MYO1E: variants seen among roughly 807,000 people sequenced by gnomAD.
MYO1E encodes the protein myosin IE, also known as unconventional myosin-Ie.
MYO1E carries 68 observed loss-of-function variants against 151.1 expected under a neutral mutation model. The ratio of observed to expected loss-of-function variants is 0.45; its 90% confidence interval spans 0.37 to 0.55. The LOEUF (loss-of-function observed/expected upper bound fraction) is 0.55. Ranked by LOEUF, MYO1E falls within the 20% of genes least tolerant of loss-of-function variation. The pLI, the probability that MYO1E is intolerant of heterozygous loss-of-function variation, is 0.00. For synonymous variants in MYO1E, 601 were observed against 501.7 expected (o/e 1.20, Z -2.64); for missense variants, 1,363 against 1,389.3 (o/e 0.98, Z 0.30).
At chr15:59,368,965 A>T (rs1239471284) in intron 1 of MYO1E, among the ~76,000 whole-genome samples, 2 of 152,198 alleles carry the variant, frequency 1.3e-5, no homozygotes, top group African/African-American at 4.8e-5. Flanking sequence ...CCCGGACTCT[A>T]GGTATTTCCC....
chr15:59,231,638 C>T, intron 6 of MYO1E, 64 bp downstream of exon 6: 4 of 1,539,532 alleles, frequency 2.6e-6, no homozygotes, highest in Non-Finnish European at 3.6e-6. Flanking sequence ...GGATACTAGA[C>T]TTCAGTCAGA....
At chr15:59,220,606 G>T (rs2079948505) in intron 9 of MYO1E, among the ~76,000 whole-genome samples, 1 of 151,778 alleles carries the variant, frequency 6.6e-6, no homozygotes, top group Non-Finnish European at 1.5e-5. Context: ...CCATTATAAA[G>T]GCATGGACTA....
intron 4 of MYO1E, among the ~76,000 whole-genome samples, chr15:59,252,109 A>G (rs2140367985): frequency 6.6e-6 from 1 of 152,312 alleles, no homozygotes; most frequent in African/African-American, 2.4e-5. Context: ...AAAGAAATAA[A>G]AACTCTGAAA....
rs780970721 is a variant in MYO1E, at chr15:59,188,138, G to T, written c.1884C>A (p.Ile628=). 1.9e-6 allele frequency: 3 copies of T among 1,613,818 alleles called. No homozygotes were observed. The African/African-American group carries it at 4.0e-5, about 22-fold the overall frequency. Residue 628 remains isoleucine, a synonymous_variant, in exon 18 of 28, where the codon ATC becomes ATA. Transcript: ENST00000288235. ...VRRAGYAYRR[I]FQKFLQRYAI... ...ATTACCTCTGTAGGAATTTTTGGAA[G>T]ATGCGCCGATAGGCATAGCCAGCTC...
intron 1 of MYO1E, among the ~76,000 whole-genome samples, chr15:59,344,666 T>TA (rs1338694022): frequency 6.6e-6 from 1 of 152,182 alleles, no homozygotes; most frequent in Non-Finnish European, 1.5e-5. Flanking sequence ...GTTAGAAATC[T>TA]ACTGAGTACT....
In MYO1E at chr15:59,209,500, A is replaced by G. The variant is rs2079863423; in HGVS notation, c.1363-652T>C. Among the ~76,000 whole-genome samples the G allele has an allele frequency of 2.0e-5, 3 of 150,938 alleles. No homozygotes were observed. In the South Asian group the frequency reaches 6.3e-4, roughly 32 times the overall value. ...AGACCAGCCTGGCCAACATGGTGAAACCCCCTCTCTACTAAAAATACAAAA... is the reference window on the plus strand; with the variant it reads ...AGACCAGCCTGGCCAACATGGTGAAGCCCCCTCTCTACTAAAAATACAAAA... On this transcript the variant is annotated intron_variant, in intron 13 of 27. Coordinates refer to ENST00000288235, the MANE Select transcript of MYO1E (RefSeq NM_004998.4).
intron 4 of MYO1E, among the ~76,000 whole-genome samples, chr15:59,239,944 A>G (rs1444004428): frequency 1.3e-5 from 2 of 152,214 alleles, no homozygotes; most frequent in African/African-American, 4.8e-5. Context: ...TCCGGCACTA[A>G]AACCCAAGTT....
intron 22 of MYO1E, among the ~76,000 whole-genome samples, chr15:59,169,355 G>T (rs1426816684): frequency 2.0e-5 from 3 of 152,148 alleles, no homozygotes; most frequent in Non-Finnish European, 4.4e-5. Flanking sequence ...GAACACACAC[G>T]CATGTTCAGT....
At chr15:59,199,909 C>T (rs989408672) in intron 16 of MYO1E, among the ~76,000 whole-genome samples, 1 of 152,152 alleles carries the variant, frequency 6.6e-6, no homozygotes, top group Admixed American at 6.5e-5. Flanking sequence ...TTTATTCCTA[C>T]GTGGAGGCAG....
intron 16 of MYO1E, 90 bp downstream of exon 16, chr15:59,202,236 G>A: frequency 9.0e-7 from 1 of 1,114,068 alleles, no homozygotes; most frequent in South Asian, 1.2e-5. Context: ...ACGTCTCACT[G>A]ACCTCATCCT....
chr15:59,256,786 G>T (rs763152695), intron 3 of MYO1E, among the ~76,000 whole-genome samples: 9 of 152,156 alleles, frequency 5.9e-5, no homozygotes, highest in Non-Finnish European at 1.0e-4. Context: ...CAAACACCTA[G>T]ATCTGACTTC....
intron 4 of MYO1E, among the ~76,000 whole-genome samples, chr15:59,238,782 G>T (rs750730713): frequency 3.9e-5 from 6 of 151,944 alleles, no homozygotes; most frequent in Non-Finnish European, 8.8e-5. Flanking sequence ...ATGTTAGCCA[G>T]ACTGGTCCCA....
intron 1 of MYO1E, among the ~76,000 whole-genome samples, chr15:59,310,171 G>C (rs12904735): frequency 0.19 from 29,441 of 152,078 alleles, 4,343 homozygotes; most frequent in East Asian, 0.5. Context: ...GCTTCCTAGC[G>C]CTCACGAAGA....
In MYO1E at chr15:59,369,060, T is replaced by C. The variant is rs566870617; in HGVS notation, c.3+3438A>G. ...TTTTGTTGTATTGTGTTGTTTTGAC[T>C]AGGAGACTACTAGCAATCTGATAAA... On this transcript the variant is annotated intron_variant, in intron 1 of 27. Transcript: ENST00000288235. 4.7e-4 allele frequency among the ~76,000 whole-genome samples: 71 copies of C among 152,328 alleles called. 1 individual carries two copies. The highest frequency in any genetic ancestry group is 6.8e-3 in the Middle Eastern group (2 of 294).
chr15:59,196,644 T>C (rs748683569), intron 16 of MYO1E, among the ~76,000 whole-genome samples: 1 of 152,216 alleles, frequency 6.6e-6, no homozygotes, highest in Non-Finnish European at 1.5e-5. Context: ...GAAAAACTAT[T>C]GAGTATATTC....
At chr15:59,243,556 G>C (rs148666485) in intron 4 of MYO1E, among the ~76,000 whole-genome samples, 1 of 152,284 alleles carries the variant, frequency 6.6e-6, no homozygotes, top group East Asian at 1.9e-4. Flanking sequence ...GTCTGTGTCA[G>C]GGGCAAGAGC....
intron 17 of MYO1E, among the ~76,000 whole-genome samples, chr15:59,191,870 C>G (rs1309822698): frequency 1.3e-5 from 2 of 152,200 alleles, no homozygotes; most frequent in African/African-American, 4.8e-5. Flanking sequence ...TTTTCCAAGA[C>G]TGTCCCTGGC....
intron 4 of MYO1E, among the ~76,000 whole-genome samples, chr15:59,243,945 A>C (rs1324906507): frequency 6.6e-6 from 1 of 151,984 alleles, no homozygotes; most frequent in Non-Finnish European, 1.5e-5. Flanking sequence ...TCGGAGGTGA[A>C]GCACATCTGG....
intron 1 of MYO1E, among the ~76,000 whole-genome samples, chr15:59,345,788 G>C (rs556603761): frequency 6.6e-6 from 1 of 152,278 alleles, no homozygotes; most frequent in East Asian, 1.9e-4. Context: ...AGTCTCTAAG[G>C]CCTTCTGTGA....
Sources: allele counts gnomAD v4.1 joint callset (sites outside exome capture counted in the v4.1 genomes callset), GRCh38; gene constraint gnomAD v4.1.1; transcripts MANE v1.5; gene names NCBI Gene and HGNC (gene_info 2026-07-23, HGNC 2026-07-21).